The following ANKRD28 variants were observed in gnomAD, a reference collection of about 807,000 sequenced individuals.
The protein encoded by ANKRD28 is ankyrin repeat domain 28.
ANKRD28 carries 44 observed loss-of-function variants against 126.5 expected under a neutral mutation model. The observed-to-expected ratio is 0.35, with a 90% confidence interval of 0.27 to 0.45. The LOEUF (loss-of-function observed/expected upper bound fraction) is 0.45. Among genes scored for constraint, ANKRD28 ranks in the 20% least tolerant of loss-of-function variants. The pLI is 1.00. For missense variants in ANKRD28, 1,110 were observed against 1,316.6 expected (o/e 0.84, Z 2.43); for synonymous variants, 442 against 468.5 (o/e 0.94, Z 0.73).
In ANKRD28 at chr3:15,676,896, C is replaced by T. The variant is rs938035476; in HGVS notation, c.2873+78G>A. On this transcript the variant is annotated intron_variant, in intron 26 of 27. Transcript: ENST00000683139. ...GACTAATGAAACCTATTCCAATAGT[C>T]ACATGTTTAAAAAAATCCATTTATC... is the stretch of plus-strand genomic sequence containing the variant. The T allele has an allele frequency of 8.3e-6, 10 of 1,209,016 alleles. No individual in the cohort carries two copies. The African/African-American group carries it at 1.2e-4, about 15-fold the overall frequency. The allele number at this position is 1,209,016 out of a possible 1,614,324, so 74.9% of individuals were successfully genotyped here. A position where few individuals can be genotyped will look rare whatever the true frequency, so the allele number is the denominator to read the frequency against.
At position 15,853,919 on chromosome 3, in the gene ANKRD28, A is replaced by G. The variant is rs1176461953; in HGVS notation, c.27+5458T>C. 6.6e-6 allele frequency among the ~76,000 whole-genome samples: 1 copy of G among 152,200 alleles called. No individual in the cohort carries two copies. The highest frequency in any genetic ancestry group is 1.5e-5 in the Non-Finnish European group (1 of 68,034). The stretch of plus-strand genomic sequence containing the variant: ...TAATATAGCTATGAGAAATATTTTA[A>G]GATATACTCACTCTCATTCAAACTT... On this transcript the variant is annotated intron_variant, in intron 1 of 27. Transcript: ENST00000399451. This position sits in a 1 kb window ranked among gnomAD's most constrained non-coding sequence, Gnocchi z 4.2.
exon 1 of ANKRD28, chr3:15,859,449 T>TGCC: frequency 6.8e-7 from 1 of 1,465,900 alleles, no homozygotes; most frequent in Non-Finnish European, 9.0e-7. Context: ...CCTCCGCCGC[T>TGCC]GCCGCTGCCG....
Position 15,712,185 on chromosome 3 carries a change from C to A in ANKRD28, c.1228G>T (p.Ala410Ser). ...IHGMFPLHLA[A>S]LSGFSDCCRK... is the part of the protein sequence containing the mutation. The stretch of plus-strand genomic sequence containing the variant: ...CAGCAATCTGAAAAGCCGCTTAAGG[C>A]TGCCAAATGGAGGGGGAACATTCCA... Residue 410 changes from alanine to serine, a missense_variant, in exon 11 of 28, where the codon GCC (alanine) becomes TCC (serine). Ala to Ser is a moderately conservative substitution (Grantham distance 99, BLOSUM62 1). Coordinates refer to ENST00000683139, the MANE Select transcript of ANKRD28 (RefSeq NM_001349278.2). 6.3e-7 allele frequency: 1 copy of A among 1,586,692 alleles called. No homozygotes were observed. Among genetic ancestry groups the A allele is most frequent in the Non-Finnish European group, 8.6e-7 (1 of 1,166,042 alleles).
Position 15,796,982 on chromosome 3 carries a change from C to T in ANKRD28, c.-461G>A, listed in dbSNP as rs758416329. The T allele has an allele frequency of 2.6e-5, 26 of 985,316 alleles. No homozygotes were observed. The highest frequency in any genetic ancestry group is 3.1e-5 in the Non-Finnish European group (26 of 829,930). The allele number at this position is 985,316 out of a possible 1,614,324, so 61.0% of individuals were successfully genotyped here. ...ATGATCACAGCGATACCCACTCTTG[C>T]CTGCAAGGTCATATAGTTACCAGTA... is the stretch of plus-strand genomic sequence containing the variant. On this transcript the variant is annotated 5_prime_UTR_variant, in exon 1 of 28. Coordinates refer to ENST00000683139, the MANE Select transcript of ANKRD28 (RefSeq NM_001349278.2).
chr3:15,708,507 A>AT (rs1465193633), intron 13 of ANKRD28, among the ~76,000 whole-genome samples: 2 of 152,186 alleles, frequency 1.3e-5, no homozygotes, highest in Admixed American at 1.3e-4. Context: ...ATTAAAAAAA[A>AT]TGTAATTAAC....
chr3:15,772,266 T>G (rs1273247382), intron 2 of ANKRD28, among the ~76,000 whole-genome samples: 1 of 152,114 alleles, frequency 6.6e-6, no homozygotes, highest in African/African-American at 2.4e-5. Context: ...GCTGATTCTT[T>G]GAAAAGATCA....
intron 3 of ANKRD28, among the ~76,000 whole-genome samples, chr3:15,759,015 T>C (rs1166824601): frequency 6.6e-6 from 1 of 152,234 alleles, no homozygotes; most frequent in Non-Finnish European, 1.5e-5. Flanking sequence ...TAGTTTTGAA[T>C]GCAAGCATTA....
intron 14 of ANKRD28, among the ~76,000 whole-genome samples, chr3:15,696,452 T>C (rs2069572286): frequency 6.6e-6 from 1 of 152,154 alleles, no homozygotes; most frequent in Admixed American, 6.5e-5. Flanking sequence ...AGAATCTTCT[T>C]GATTCAAAGT....
At chr3:15,714,399 T>C (rs1205669757) in intron 9 of ANKRD28, among the ~76,000 whole-genome samples, 179 bp downstream of exon 9, 1 of 151,998 alleles carries the variant, frequency 6.6e-6, no homozygotes, top group African/African-American at 2.4e-5. Flanking sequence ...GTATGAAAGA[T>C]ACAGCTACGT....
intron 17 of ANKRD28, among the ~76,000 whole-genome samples, chr3:15,692,804 T>C (rs900254066): frequency 6.6e-6 from 1 of 152,216 alleles, no homozygotes; most frequent in Non-Finnish European, 1.5e-5. Flanking sequence ...AAACACTATT[T>C]AGTATACCTA....
chr3:15,683,173 T>A (rs2067720340), intron 21 of ANKRD28, among the ~76,000 whole-genome samples: 1 of 152,134 alleles, frequency 6.6e-6, no homozygotes, highest in Non-Finnish European at 1.5e-5. Context: ...ATTTTTCCAA[T>A]GGTTAATCTT....
chr3:15,732,588 C>T (rs946139435), intron 6 of ANKRD28: 1 of 152,216 alleles, frequency 6.6e-6, no homozygotes, highest in African/African-American at 2.4e-5. Flanking sequence ...TCAACAGATC[C>T]TTCAGCAAAG....
chr3:15,747,468 G>A (rs930930465), intron 4 of ANKRD28, among the ~76,000 whole-genome samples: 1 of 152,000 alleles, frequency 6.6e-6, no homozygotes, highest in Admixed American at 6.6e-5. Flanking sequence ...GATCACTCAG[G>A]AGCAGGTTAT....
chr3:15,842,947 C>T lies in ANKRD28; in HGVS notation c.27+16430G>A, dbSNP rs180916934. Among the ~76,000 whole-genome samples the T allele has an allele frequency of 2.0e-4, 30 of 152,222 alleles. No individual in the cohort carries two copies. In the South Asian group the frequency reaches 3.1e-3, roughly 16 times the overall value. On this transcript the variant is annotated intron_variant, in intron 1 of 27. Coordinates refer to the ANKRD28 transcript ENST00000399451. ...TATAGCACACCCGGACAGAAACAAGCCTTGTTAAGGCTAAATTATGTAATG... is the reference window on the plus strand; with the variant it reads ...TATAGCACACCCGGACAGAAACAAGTCTTGTTAAGGCTAAATTATGTAATG...
intron 14 of ANKRD28, among the ~76,000 whole-genome samples, chr3:15,702,029 T>G (rs1396150381): frequency 2.6e-5 from 4 of 152,256 alleles, no homozygotes; most frequent in African/African-American, 9.6e-5. Context: ...AAACTTATTC[T>G]AATACAATTT....
intron 1 of ANKRD28, among the ~76,000 whole-genome samples, chr3:15,835,006 T>C (rs955496774): frequency 2.0e-5 from 3 of 152,040 alleles, no homozygotes; most frequent in Non-Finnish European, 2.9e-5. Flanking sequence ...AAATTAGCCA[T>C]GTGTGTTGGC....
chr3:15,671,587 TTG>T (rs1415340141), intron 27 of ANKRD28, among the ~76,000 whole-genome samples: 6 of 150,286 alleles, frequency 4.0e-5, no homozygotes, highest in African/African-American at 1.5e-4. Flanking sequence ...AGTTTTTTTT[TTG>T]TTTTTTTTTT....
chr3:15,684,427 G>T (rs1268829608), intron 21 of ANKRD28: 1 of 152,072 alleles, frequency 6.6e-6, no homozygotes, highest in African/African-American at 2.4e-5. Flanking sequence ...ACCTGCTAGG[G>T]ATTTATTCCT....
intron 14 of ANKRD28, among the ~76,000 whole-genome samples, chr3:15,699,129 T>G (rs2070151067): frequency 6.6e-6 from 1 of 152,052 alleles, no homozygotes; most frequent in Admixed American, 6.6e-5. Flanking sequence ...TGACAAAAAC[T>G]AGCAATGGGG....
Sources: allele counts gnomAD v4.1 joint callset (sites outside exome capture counted in the v4.1 genomes callset), GRCh38; gene constraint gnomAD v4.1.1; non-coding constraint Gnocchi (gnomAD v3.1); transcripts MANE v1.5; gene names NCBI Gene and HGNC (gene_info 2026-07-23, HGNC 2026-07-21).